UFL1: variants seen among roughly 807,000 people sequenced by gnomAD.
The protein encoded by UFL1 is E3 UFM1-protein ligase 1.
Under a neutral mutation model 99.3 loss-of-function variants are expected in UFL1, and 78 were observed. The ratio of observed to expected loss-of-function variants is 0.79; its 90% CI spans 0.65 to 0.95. The LOEUF (loss-of-function observed/expected upper bound fraction) is 0.95, where lower values mean the gene tolerates loss of function less well. UFL1 is among the 40% of genes least tolerant of loss of function. UFL1 has a pLI of 0.00. For synonymous variants in UFL1, 335 were observed against 322.2 expected (o/e 1.04, Z -0.42); for missense variants, 936 against 937.0 (o/e 1.00, Z 0.01).
At chr6:96,538,888 GGA>G in intron 10 of UFL1, 78 bp downstream of exon 10, 1 of 1,289,136 alleles carries the variant, frequency 7.8e-7, no homozygotes, top group Non-Finnish European at 1.0e-6. Flanking sequence ...TTGAAAAAGG[GGA>G]TAAGTGAAAG....
chr6:96,551,378 T>C (rs769978902), intron 15 of UFL1, 55 bp from the exon 16 acceptor site: 1 of 915,448 alleles, frequency 1.1e-6, no homozygotes. Flanking sequence ...CTTTATCTTA[T>C]ATCCATTGCA....
At chr6:96,540,832 T>TC (rs1399544759) in intron 11 of UFL1, among the ~76,000 whole-genome samples, 177 bp downstream of exon 11, 1 of 151,516 alleles carries the variant, frequency 6.6e-6, no homozygotes, top group African/African-American at 2.4e-5. Flanking sequence ...AAAATGGAAA[T>TC]ATTGGTGATT....
intron 17 of UFL1, 38 bp from the exon 18 acceptor site, chr6:96,552,444 T>G (rs1374775321): frequency 1.1e-5 from 17 of 1,511,326 alleles, no homozygotes; most frequent in Non-Finnish European, 1.5e-5. Context: ...ACTTCTTAAA[T>G]TATGATAATG....
At chr6:96,536,806 T>G (rs1351031284) in intron 8 of UFL1, among the ~76,000 whole-genome samples, 1 of 151,764 alleles carries the variant, frequency 6.6e-6, no homozygotes, top group African/African-American at 2.4e-5. Context: ...TGCCCAGTTT[T>G]TCAGATATAT....
chr6:96,552,617 A>G lies in UFL1; in HGVS notation c.2121A>G (p.Arg707=). The change falls in exon 18 of 19, where the codon AGA becomes AGG. Residue 707 remains arginine, a synonymous_variant. Coordinates refer to ENST00000369278, the MANE Select transcript of UFL1 (RefSeq NM_015323.5). ...ACAGCATGCTCCATGCACCTGGAAG[A>G]TGTGTCCCACAGATCATTGCTTTTC... is the stretch of plus-strand genomic sequence containing the variant. ...STHSMLHAPG[R]CVPQIIAFLN... The G allele has an allele frequency of 1.9e-6, 3 of 1,612,014 alleles. No homozygotes were observed. Among genetic ancestry groups the G allele is most frequent in the Non-Finnish European group, 2.5e-6 (3 of 1,179,336 alleles).
chr6:96,528,244 G>C (rs1769729973), intron 5 of UFL1, among the ~76,000 whole-genome samples: 1 of 151,932 alleles, frequency 6.6e-6, no homozygotes, highest in South Asian at 2.1e-4. Flanking sequence ...TCATTAACAA[G>C]AGATAATATG....
chr6:96,551,479 C>A lies in UFL1; in HGVS notation c.1865C>A (p.Ala622Asp). 2 of 1,536,606 alleles carry A rather than the reference C, an allele frequency of 1.3e-6. No homozygotes were observed. Among genetic ancestry groups the A allele is most frequent in the Admixed American group, 2.2e-5 (1 of 46,106 alleles). ...LSKLSEETKV[A>D]LTKLHNSLNE... The stretch of plus-strand genomic sequence containing the variant: ...AAATTATCAGAAGAAACCAAAGTAG[C>A]TCTTACAAAACTCCATAACTCTCTG... Residue 622 changes from alanine (A) to aspartate (D), a missense_variant, in exon 16 of 19, where the codon GCT becomes GAT. Physicochemically the swap from Ala to Asp is moderately radical, Grantham distance 126. Coordinates refer to ENST00000369278, the MANE Select transcript of UFL1 (RefSeq NM_015323.5).
intron 11 of UFL1, among the ~76,000 whole-genome samples, chr6:96,542,045 ACTAAT>A (rs1437147880): frequency 6.6e-6 from 1 of 151,334 alleles, no homozygotes; most frequent in Non-Finnish European, 1.5e-5. Flanking sequence ...TATTAAAAAG[ACTAAT>A]CTTTTACTTA....
intron 12 of UFL1, among the ~76,000 whole-genome samples, chr6:96,545,312 CTTTT>C (rs1443818252): frequency 6.6e-6 from 1 of 150,864 alleles, no homozygotes; most frequent in East Asian, 1.9e-4. Flanking sequence ...ATATTGTTAG[CTTTT>C]TTTGTCTACA....
At chr6:96,528,415 T>C (rs369368337) in intron 5 of UFL1, 87 bp from the exon 6 acceptor site, 2 of 1,457,412 alleles carry the variant, frequency 1.4e-6, no homozygotes, top group Non-Finnish European at 1.9e-6. Flanking sequence ...TACCTCAGCA[T>C]GCAGCATGAC....
chr6:96,528,637 G>A lies in UFL1; in HGVS notation c.596+5G>A, dbSNP rs1008122672. On this transcript the variant is annotated splice_donor_5th_base_variant and intron_variant, in intron 6 of 18. Coordinates refer to ENST00000369278, the MANE Select transcript of UFL1 (RefSeq NM_015323.5). The stretch of plus-strand genomic sequence containing the variant: ...ACTATTCAGTGCTATTACCCGGTAA[G>A]TATATTTTAAAGTATATATATTTGC... 9 of 1,608,328 alleles carry A rather than the reference G, an allele frequency of 5.6e-6. No individual in the cohort carries two copies. In the African/African-American group the frequency reaches 1.2e-4, roughly 22 times the overall value.
chr6:96,533,085 G>A (rs1437613679), intron 6 of UFL1, among the ~76,000 whole-genome samples: 1 of 151,910 alleles, frequency 6.6e-6, no homozygotes, highest in African/African-American at 2.4e-5. Context: ...AAGTCGTTTT[G>A]TTATATGCAT....
chr6:96,553,658 G>A lies in UFL1; in HGVS notation c.*155G>A. The A allele has an allele frequency of 2.0e-6, 1 of 498,204 alleles. No individual in the cohort carries two copies. 30.9% of individuals were successfully genotyped at this position (498,204 alleles called of 1,614,324 possible). A position where few individuals can be genotyped will look rare whatever the true frequency, so the allele number is the denominator to read the frequency against. On this transcript the variant is annotated 3_prime_UTR_variant, in exon 19 of 19. Coordinates refer to ENST00000369278, the MANE Select transcript of UFL1 (RefSeq NM_015323.5). ...TTAAAACAGTAGTATTGTATTAAAT[G>A]TAAATCTTAAAAAGATGTGAATTTT...
At chr6:96,523,509 TATC>T (rs1769656180) in intron 2 of UFL1, among the ~76,000 whole-genome samples, 1 of 152,350 alleles carries the variant, frequency 6.6e-6, no homozygotes, top group Middle Eastern at 3.4e-3. Flanking sequence ...TAAAATATTT[TATC>T]ATTTTGAGTT....
intron 12 of UFL1, among the ~76,000 whole-genome samples, chr6:96,546,199 T>G (rs945598605): frequency 4.0e-5 from 6 of 150,890 alleles, no homozygotes; most frequent in African/African-American, 1.5e-4. Flanking sequence ...TATACAAAAA[T>G]TAGTAGCATT....
Position 96,553,666 on chromosome 6 carries a change from TAAAAA to T in UFL1, c.*164_*168del. On this transcript the variant is annotated 3_prime_UTR_variant, in exon 19 of 19. Coordinates refer to ENST00000369278, the MANE Select transcript of UFL1 (RefSeq NM_015323.5). ...GTAGTATTGTATTAAATGTAAATCT[TAAAAA>T]GATGTGAATTTTTGTAAATTGGGTT... 1 of 477,154 alleles carries T rather than the reference TAAAAA, an allele frequency of 2.1e-6. No individual in the cohort carries two copies. Among genetic ancestry groups the T allele is most frequent in the Non-Finnish European group, 3.5e-6 (1 of 283,908 alleles). 29.6% of individuals were successfully genotyped at this position (477,154 alleles called of 1,614,324 possible). A position where few individuals can be genotyped will look rare whatever the true frequency, so the allele number is the denominator to read the frequency against.
At chr6:96,533,890 G>A (rs1769818123) in intron 6 of UFL1, among the ~76,000 whole-genome samples, 1 of 148,712 alleles carries the variant, frequency 6.7e-6, no homozygotes, top group Non-Finnish European at 1.5e-5. Flanking sequence ...GTGCACATAT[G>A]ATCTCATTTT....
intron 4 of UFL1, 113 bp downstream of exon 4, chr6:96,525,507 T>A (rs1769685911): frequency 6.3e-6 from 5 of 789,082 alleles, no homozygotes; most frequent in African/African-American, 3.6e-5. Context: ...TTATAACTCT[T>A]ACAGTGTTGA....
In UFL1 at chr6:96,540,441, CCAAACAAGAATAATTAGTGAGTATATAAA is replaced by C. The variant is rs1400411033; in HGVS notation, c.1159-90_1159-62del. 2.8e-6 allele frequency: 4 copies of C among 1,433,280 alleles called. No individual in the cohort carries two copies. The African/African-American group carries it at 5.9e-5, about 21-fold the overall frequency. The allele number at this position is 1,433,280 out of a possible 1,614,324, so 88.8% of individuals were successfully genotyped here. A position where few individuals can be genotyped will look rare whatever the true frequency, so the allele number is the denominator to read the frequency against. On this transcript the variant is annotated intron_variant, in intron 10 of 18. Transcript: ENST00000369278. ...AGCTCTATAGTTCTAAGCAACAAAA[CCAAACAAGAATAATTAGTGAGTATATAAA>C]CAACTTTTATGCTTTTGGAAATGCT...
Sources: gnomAD v4.1 joint callset for allele counts (sites outside exome capture counted in the v4.1 genomes callset) on GRCh38, gnomAD v4.1.1 for gene constraint, MANE v1.5 for transcripts, NCBI Gene and HGNC (gene_info 2026-07-23, HGNC 2026-07-21) for gene names.